TENM2: variants seen among roughly 807,000 people sequenced by gnomAD.
The protein encoded by TENM2 is teneurin-2.
Under a neutral mutation model 245.2 loss-of-function variants are expected in TENM2, and 52 were observed. The observed-to-expected ratio is 0.21, with a 90% confidence interval of 0.17 to 0.27. The LOEUF is 0.27. TENM2 is among the 10% of genes least tolerant of loss of function. TENM2 has a pLI of 1.00. For missense variants in TENM2, 3,046 were observed against 3,666.8 expected (o/e 0.83, Z 4.37); for synonymous variants, 1,363 against 1,438.9 (o/e 0.95, Z 1.19).
At chr5:167,650,861 T>C (rs1405931823) in intron 2 of TENM2, among the ~76,000 whole-genome samples, 1 of 152,168 alleles carries the variant, frequency 6.6e-6, no homozygotes, top group Non-Finnish European at 1.5e-5. Flanking sequence ...AACCAATGCA[T>C]GTAAACAGTC....
chr5:167,922,430 C>T (rs1403263317), intron 3 of TENM2, among the ~76,000 whole-genome samples: 2 of 152,160 alleles, frequency 1.3e-5, no homozygotes, highest in Admixed American at 6.5e-5. Context: ...CCAATTCAAC[C>T]ATGTTCCTTT....
chr5:168,101,257 C>T (rs771748397), intron 9 of TENM2, among the ~76,000 whole-genome samples: 2 of 152,152 alleles, frequency 1.3e-5, no homozygotes, highest in South Asian at 2.1e-4. Context: ...AGGACAGAGT[C>T]GGCCTTTTAT....
intron 3 of TENM2, among the ~76,000 whole-genome samples, chr5:167,912,589 G>T (rs1212766250): frequency 6.6e-6 from 1 of 152,120 alleles, no homozygotes; most frequent in Admixed American, 6.5e-5. Context: ...TTTGCACGTT[G>T]CTTTTGCAGA....
chr5:167,579,563 G>C (rs1028901122), intron 2 of TENM2, among the ~76,000 whole-genome samples: 3 of 152,166 alleles, frequency 2.0e-5, no homozygotes, highest in African/African-American at 7.2e-5. Context: ...GTAGCCAAGC[G>C]TTGTCCTGAC....
At chr5:167,884,557 T>A (rs1207738794) in intron 3 of TENM2, among the ~76,000 whole-genome samples, 1 of 152,212 alleles carries the variant, frequency 6.6e-6, no homozygotes, top group African/African-American at 2.4e-5. Flanking sequence ...TTCATCCATG[T>A]TGTAGCATGT....
Position 167,449,509 on chromosome 5 carries a change from CAGATAGATAGATAGATAGATAGAT to C in TENM2, c.502+74074_502+74097del, listed in dbSNP as rs60756285. Among the ~76,000 whole-genome samples, 417 of 144,058 alleles carry C rather than the reference CAGATAGATAGATAGATAGATAGAT, an allele frequency of 2.9e-3. 2 individuals are homozygous for C. Among genetic ancestry groups the C allele is most frequent in the African/African-American group, 9.4e-3 (366 of 39,014 alleles). The allele number at this position is 144,058 out of a possible 152,430, so 94.5% of individuals were successfully genotyped here. ...AGAGTGTGCATACCCTAAAGATATG[CAGATAGATAGATAGATAGATAGAT>C]AGATAGATAGATAGATAGATAGATA... is the stretch of plus-strand genomic sequence containing the variant. On this transcript the variant is annotated intron_variant, in intron 2 of 28. Transcript: ENST00000518659.
chr5:167,703,493 A>T (rs151163008), intron 2 of TENM2, among the ~76,000 whole-genome samples: 9 of 143,708 alleles, frequency 6.3e-5, no homozygotes, highest in African/African-American at 2.1e-4. Flanking sequence ...GATCGCACCA[A>T]TGTACTCCAA....
chr5:167,575,132 AC>A (rs1357891246), intron 2 of TENM2, among the ~76,000 whole-genome samples: 5 of 151,438 alleles, frequency 3.3e-5, no homozygotes, highest in Admixed American at 1.3e-4. Flanking sequence ...AAAAAAAAAA[AC>A]AACCCAAACC....
intron 5 of TENM2, among the ~76,000 whole-genome samples, chr5:168,046,720 GAGCGAC>G (rs1198136783): frequency 1.3e-5 from 2 of 152,208 alleles, no homozygotes; most frequent in Non-Finnish European, 2.9e-5. Flanking sequence ...GCTAAAGTGA[GAGCGAC>G]AGAGACAGAA....
chr5:167,465,777 G>A (rs966888946), intron 2 of TENM2, among the ~76,000 whole-genome samples: 2 of 152,152 alleles, frequency 1.3e-5, no homozygotes, highest in African/African-American at 4.8e-5. Flanking sequence ...CTTGCAGTAA[G>A]CGGAGATCGC....
At chr5:167,702,591 T>C (rs1275189894) in intron 2 of TENM2, among the ~76,000 whole-genome samples, 1 of 148,742 alleles carries the variant, frequency 6.7e-6, no homozygotes, top group Non-Finnish European at 1.5e-5. Flanking sequence ...TATATATTTC[T>C]TTACATAGTA....
Position 168,200,224 on chromosome 5 carries a change from C to T in TENM2, c.3430+93C>T, listed in dbSNP as rs1023524416. Reference sequence around the variant, plus strand: ...TTGAGTTCCGAGGATATGCCAAGCACCATTTCAGTAGATAAGGACACGATG... The same window carrying T: ...TTGAGTTCCGAGGATATGCCAAGCATCATTTCAGTAGATAAGGACACGATG... On this transcript the variant is annotated intron_variant, in intron 17 of 28. Transcript: ENST00000518659. 10 of 1,181,438 alleles carry T rather than the reference C, an allele frequency of 8.5e-6. 1 individual carries two copies. The Middle Eastern group carries it at 9.9e-4, about 117-fold the overall frequency. 73.2% of individuals were successfully genotyped at this position (1,181,438 alleles called of 1,614,324 possible).
intron 2 of TENM2, among the ~76,000 whole-genome samples, chr5:167,553,073 A>G (rs559884019): frequency 6.6e-6 from 1 of 152,372 alleles, no homozygotes; most frequent in African/African-American, 2.4e-5. Context: ...TGATAGACAG[A>G]CATGGTTCTA....
intron 2 of TENM2, among the ~76,000 whole-genome samples, chr5:167,455,087 A>G (rs931145349): frequency 3.9e-5 from 6 of 152,340 alleles, no homozygotes; most frequent in Admixed American, 2.0e-4. Context: ...TTCCTTTCTG[A>G]TCTTACCAAT....
rs73388314 is a variant in TENM2 at position 167,774,875 on chromosome 5, T to C, written c.503-101111T>C. Reference sequence around the variant, plus strand: ...TAAAACTGTCTATGTCCATGATAGTTTCCCCCCAGTGCATCTGTTAAGACA... The same window carrying C: ...TAAAACTGTCTATGTCCATGATAGTCTCCCCCCAGTGCATCTGTTAAGACA... On this transcript the variant is annotated intron_variant, in intron 2 of 28. Coordinates refer to ENST00000518659, the Ensembl canonical transcript of TENM2. Among the ~76,000 whole-genome samples the C allele has an allele frequency of 5.1e-3, 782 of 152,354 alleles. 12 individuals are homozygous for C. The highest frequency in any genetic ancestry group is 0.018 in the African/African-American group (736 of 41,574).
intron 2 of TENM2, among the ~76,000 whole-genome samples, chr5:167,379,142 T>C (rs1186077249): frequency 6.6e-6 from 1 of 152,118 alleles, no homozygotes; most frequent in African/African-American, 2.4e-5. Context: ...TACTTTGAGG[T>C]TGAGATATAA....
At chr5:167,909,890 C>T (rs1220702698) in intron 3 of TENM2, among the ~76,000 whole-genome samples, 1 of 148,164 alleles carries the variant, frequency 6.7e-6, no homozygotes, top group Non-Finnish European at 1.5e-5. Context: ...TAATGCCTGG[C>T]TTTGAAATTG....
chr5:167,649,615 A>G (rs1244917325), intron 2 of TENM2, among the ~76,000 whole-genome samples: 1 of 152,116 alleles, frequency 6.6e-6, no homozygotes, highest in Non-Finnish European at 1.5e-5. Flanking sequence ...CATGAAACCC[A>G]TTTAAAGCGG....
intron 1 of TENM2, among the ~76,000 whole-genome samples, chr5:167,341,515 C>T (rs1758095943): frequency 1.3e-5 from 2 of 151,460 alleles, no homozygotes; most frequent in Admixed American, 6.6e-5. Flanking sequence ...TCATTTTTCT[C>T]TGAGTATTTC....
Sources: allele counts gnomAD v4.1 joint callset (sites outside exome capture counted in the v4.1 genomes callset), GRCh38; gene constraint gnomAD v4.1.1; transcripts MANE v1.5; gene names NCBI Gene and HGNC (gene_info 2026-07-23, HGNC 2026-07-21).